NVL: variants seen among roughly 807,000 people sequenced by gnomAD.
NVL encodes nuclear valosin-containing protein-like.
In NVL, 84 loss-of-function variants were observed where a neutral mutation model predicts 110.2. The observed-to-expected ratio is 0.76, with a 90% confidence interval of 0.64 to 0.91. NVL has a LOEUF of 0.91. Ranked by LOEUF, NVL falls within the 40% of genes least tolerant of loss-of-function variation. NVL has a pLI of 0.00. For missense variants in NVL, 882 were observed against 1,035.9 expected, an observed-to-expected ratio of 0.85 and a Z score of 2.04; for synonymous variants, 354 against 361.1, an observed-to-expected ratio of 0.98 and a Z score of 0.22.
intron 19 of NVL, among the ~76,000 whole-genome samples, chr1:224,239,046 G>T (rs762752319): frequency 6.6e-6 from 1 of 152,146 alleles, no homozygotes. Flanking sequence ...CTATGAATTA[G>T]ACTTGGAGTG....
intron 19 of NVL, among the ~76,000 whole-genome samples, chr1:224,246,708 G>A (rs1661859399): frequency 6.6e-6 from 1 of 152,120 alleles, no homozygotes; most frequent in Non-Finnish European, 1.5e-5. Flanking sequence ...ATTGACCAAA[G>A]CAAACAAAAT....
chr1:224,307,748 T>G lies in NVL; in HGVS notation c.615+243A>C, dbSNP rs550351320. 2.3e-5 allele frequency among the ~76,000 whole-genome samples: 3 copies of G among 131,292 alleles called. No homozygotes were observed. The East Asian group carries it at 6.6e-4, about 29-fold the overall frequency. 86.1% of individuals were successfully genotyped at this position (131,292 alleles called of 152,430 possible). On this transcript the variant is annotated intron_variant, in intron 6 of 22. Transcript: ENST00000281701. ...CTATCTCTCTGTGTAAAGAATAAAC[T>G]AGGGGAACAAGAAAGGACACAGACT...
intron 22 of NVL, among the ~76,000 whole-genome samples, chr1:224,228,344 G>A (rs1451131092): frequency 6.6e-6 from 1 of 151,934 alleles, no homozygotes; most frequent in Non-Finnish European, 1.5e-5. Flanking sequence ...TCACTCTGTC[G>A]CCCAGGCTGG....
At position 224,305,032 on chromosome 1, in the gene NVL, A is replaced by G; in HGVS notation, c.748+2T>C. On this transcript the variant is annotated splice_donor_variant, in intron 7 of 22. Coordinates refer to ENST00000281701, the MANE Select transcript of NVL (RefSeq NM_002533.4). LOFTEE classifies it high-confidence loss of function. ...CTGCCACCAACAAGACTCACACCTT[A>G]CCTTTCTTTTGCAGGACAGCTTCAA... 6.2e-7 allele frequency: 1 copy of G among 1,612,658 alleles called. No homozygotes were observed. Among genetic ancestry groups the G allele is most frequent in the Non-Finnish European group, 8.5e-7 (1 of 1,179,516 alleles).
chr1:224,270,094 A>AG (rs1051070488), intron 17 of NVL, among the ~76,000 whole-genome samples: 3 of 151,894 alleles, frequency 2.0e-5, no homozygotes, highest in African/African-American at 7.3e-5. Context: ...CTCTAGAAAA[A>AG]AAAAAATTGG....
intron 2 of NVL, among the ~76,000 whole-genome samples, chr1:224,321,735 AAC>A (rs1226112791): frequency 7.3e-6 from 1 of 136,884 alleles, no homozygotes; most frequent in Non-Finnish European, 1.6e-5. Flanking sequence ...CACCCTGAGC[AAC>A]AGAGTAAGAT....
At chr1:224,248,708 T>C (rs1307857661) in intron 19 of NVL, among the ~76,000 whole-genome samples, 1 of 152,222 alleles carries the variant, frequency 6.6e-6, no homozygotes, top group African/African-American at 2.4e-5. Flanking sequence ...AGGCGTCCAT[T>C]CCTGGGAAGG....
chr1:224,318,672 G>A (rs1371426277), intron 2 of NVL, among the ~76,000 whole-genome samples: 1 of 151,284 alleles, frequency 6.6e-6, no homozygotes, highest in African/African-American at 2.4e-5. Flanking sequence ...AAAATTCTCA[G>A]CATGTATCTC....
intron 2 of NVL, among the ~76,000 whole-genome samples, chr1:224,322,584 C>G (rs1670760742): frequency 6.6e-6 from 1 of 152,100 alleles, no homozygotes; most frequent in Admixed American, 6.6e-5. Context: ...GGTTTCAGAA[C>G]TAGGTAGTAG....
chr1:224,291,247 C>G (rs1011120423), intron 12 of NVL, among the ~76,000 whole-genome samples: 2 of 152,014 alleles, frequency 1.3e-5, no homozygotes, highest in African/African-American at 4.8e-5. Flanking sequence ...CTCTTGTTGC[C>G]CTGGCTGGAG....
intron 13 of NVL, 68 bp downstream of exon 13, chr1:224,289,416 C>T: frequency 6.5e-7 from 1 of 1,539,060 alleles, no homozygotes; most frequent in East Asian, 2.3e-5. Context: ...TGTATTGACC[C>T]TTGCTTCAAT....
chr1:224,321,103 TC>T (rs1670598754), intron 2 of NVL, among the ~76,000 whole-genome samples: 1 of 151,844 alleles, frequency 6.6e-6, no homozygotes, highest in African/African-American at 2.4e-5. Context: ...ATACAAAGAA[TC>T]AGCGGGGCAT....
chr1:224,227,517 T>C lies in NVL; in HGVS notation c.*109A>G, dbSNP rs1291195003. ...GCCTCATTCATTTGAAAATAAAATG[T>C]TTACATGAGGCCGCGCCTGTGTCCA... On this transcript the variant is annotated 3_prime_UTR_variant, in exon 23 of 23. Coordinates refer to ENST00000281701, the MANE Select transcript of NVL (RefSeq NM_002533.4). 3 of 820,234 alleles carry C rather than the reference T, an allele frequency of 3.7e-6. No individual in the cohort carries two copies. Among genetic ancestry groups the C allele is most frequent in the East Asian group, 2.9e-5 (1 of 34,192 alleles). The allele number at this position is 820,234 out of a possible 1,614,324, so 50.8% of individuals were successfully genotyped here. A position where few individuals can be genotyped will look rare whatever the true frequency, so the allele number is the denominator to read the frequency against.
chr1:224,281,277 C>CTGTGTGTGTGTGTGTG lies in NVL; in HGVS notation c.1900-93_1900-92insCACACACACACACACA, dbSNP rs774683945. 701 of 837,972 alleles carry CTGTGTGTGTGTGTGTG rather than the reference C, an allele frequency of 8.4e-4. 1 individual carries two copies. Among genetic ancestry groups the CTGTGTGTGTGTGTGTG allele is most frequent in the Non-Finnish European group, 1.1e-3 (571 of 529,968 alleles). 51.9% of individuals were successfully genotyped at this position (837,972 alleles called of 1,614,324 possible). A position where few individuals can be genotyped will look rare whatever the true frequency, so the allele number is the denominator to read the frequency against. ...GATGATGTGTGACAATGAAAGGACT[C>CTGTGTGTGTGTGTGTG]TGTGTGCGTGTGTGTGTGTGTGTGT... On this transcript the variant is annotated intron_variant, in intron 15 of 22. Transcript: ENST00000281701.
At chr1:224,249,637 C>T (rs1662245502) in intron 19 of NVL, among the ~76,000 whole-genome samples, 1 of 152,056 alleles carries the variant, frequency 6.6e-6, no homozygotes, top group African/African-American at 2.4e-5. Context: ...CCCAGCTACT[C>T]GGGAGGCTGA....
rs147248218 is a variant in NVL, at chr1:224,274,415, T to A, written c.2082+924A>T. On this transcript the variant is annotated intron_variant, in intron 17 of 22. Transcript: ENST00000281701. ...TTTTTGGGAGGCTGAGGCGGATACATCACCTGAGGTCAGGAGTTCAAGACC... is the reference window on the plus strand; with the variant it reads ...TTTTTGGGAGGCTGAGGCGGATACAACACCTGAGGTCAGGAGTTCAAGACC... Among the ~76,000 whole-genome samples the A allele has an allele frequency of 8.5e-4, 129 of 151,460 alleles. 1 individual carries two copies. Among genetic ancestry groups the A allele is most frequent in the African/African-American group, 3.1e-3 (126 of 41,292 alleles).
chr1:224,285,579 TGAGA>T (rs947844030), intron 15 of NVL, among the ~76,000 whole-genome samples: 4 of 152,336 alleles, frequency 2.6e-5, no homozygotes, highest in African/African-American at 9.6e-5. Flanking sequence ...TAGGTGGCAG[TGAGA>T]GAATTACACA....
chr1:224,305,717 A>G (rs1256347755), intron 6 of NVL, among the ~76,000 whole-genome samples: 2 of 152,122 alleles, frequency 1.3e-5, no homozygotes, highest in African/African-American at 4.8e-5. Context: ...TAATTTTTAT[A>G]TTATCAGTAG....
rs376999245 is a variant in NVL at position 224,233,190 on chromosome 1, G to A, written c.2455+11C>T. On this transcript the variant is annotated intron_variant, in intron 21 of 22. Coordinates refer to ENST00000281701, the MANE Select transcript of NVL (RefSeq NM_002533.4). Reference sequence around the variant, plus strand: ...ATAATTAGAATTGAGAGATTCTGGAGAGAATTGTACCTTTTTCATTTCCAC... The same window carrying A: ...ATAATTAGAATTGAGAGATTCTGGAAAGAATTGTACCTTTTTCATTTCCAC... The A allele has an allele frequency of 4.4e-4, 699 of 1,602,800 alleles. 2 individuals carry two copies. The highest frequency in any genetic ancestry group is 5.6e-4 in the Non-Finnish European group (652 of 1,174,588).
Sources: allele counts gnomAD v4.1 joint callset (sites outside exome capture counted in the v4.1 genomes callset), GRCh38; gene constraint gnomAD v4.1.1; transcripts MANE v1.5; gene names NCBI Gene and HGNC (gene_info 2026-07-23, HGNC 2026-07-21).